Variants in LRCH3 observed in about 807,000 individuals in gnomAD.
The protein encoded by LRCH3 is DISP complex protein LRCH3.
LRCH3 carries 68 observed loss-of-function variants against 104.5 expected under a neutral mutation model. The observed-to-expected ratio is 0.65, with a 90% CI of 0.54 to 0.80. The LOEUF (loss-of-function observed/expected upper bound fraction) is 0.80, where lower values mean the gene tolerates loss of function less well. LRCH3 is among the 30% of genes least tolerant of loss of function. The pLI is 0.00. For missense variants in LRCH3, 951 were observed against 953.9 expected (o/e 1.00, Z 0.04); for synonymous variants, 344 against 361.3 (o/e 0.95, Z 0.54).
At chr3:197,876,941 G>A (rs112737733) in intron 20 of LRCH3, among the ~76,000 whole-genome samples, 4 of 31,844 alleles carry the variant, frequency 1.3e-4, no homozygotes, top group African/African-American at 4.6e-4. Context: ...CCAACTCACC[G>A]CACCCATGGC....
chr3:197,847,295 T>G, intron 10 of LRCH3, 114 bp from the exon 11 acceptor site: 1 of 932,454 alleles, frequency 1.1e-6, no homozygotes, highest in Non-Finnish European at 1.6e-6. Flanking sequence ...CTAGGCAGTT[T>G]GCTACTGATT....
At chr3:197,815,464 A>G (rs1238667241) in intron 2 of LRCH3, among the ~76,000 whole-genome samples, 1 of 152,226 alleles carries the variant, frequency 6.6e-6, no homozygotes, top group Non-Finnish European at 1.5e-5. Flanking sequence ...TAGATAGTGT[A>G]GTAAAGTGTG....
At chr3:197,852,535 T>G (rs764683933) in intron 12 of LRCH3, 26 bp from the exon 13 acceptor site, 13 of 1,612,594 alleles carry the variant, frequency 8.1e-6, no homozygotes, top group Non-Finnish European at 8.5e-6. Flanking sequence ...CAACTTCCTT[T>G]TTTGGGGGGT....
intron 2 of LRCH3, 40 bp from the exon 3 acceptor site, chr3:197,817,136 G>T: frequency 6.4e-7 from 1 of 1,555,076 alleles, no homozygotes; most frequent in South Asian, 1.2e-5. Flanking sequence ...TTCTTCAGTG[G>T]TGGACTCTGA....
At chr3:197,808,002 T>C (rs970806498) in intron 1 of LRCH3, among the ~76,000 whole-genome samples, 6 of 152,248 alleles carry the variant, frequency 3.9e-5, no homozygotes, top group African/African-American at 1.2e-4. Flanking sequence ...AAGTCTTTTA[T>C]ATTTACCCAT....
At chr3:197,802,589 A>G (rs1394705713) in intron 1 of LRCH3, among the ~76,000 whole-genome samples, 1 of 152,006 alleles carries the variant, frequency 6.6e-6, no homozygotes, top group Non-Finnish European at 1.5e-5. Flanking sequence ...GATTGTTATT[A>G]GTTCTTCATA....
chr3:197,819,174 A>G (rs1734195040), intron 3 of LRCH3, among the ~76,000 whole-genome samples: 1 of 151,716 alleles, frequency 6.6e-6, no homozygotes, highest in South Asian at 2.1e-4. Context: ...AAAGCTCTCC[A>G]TTCCCATCTG....
At chr3:197,792,455 A>G (rs987055916) in intron 1 of LRCH3, among the ~76,000 whole-genome samples, 1 of 148,862 alleles carries the variant, frequency 6.7e-6, no homozygotes, top group Non-Finnish European at 1.5e-5. Flanking sequence ...GTTCATCATC[A>G]TGTTTGCAGT....
In LRCH3 at chr3:197,854,639, C is replaced by T. The variant is rs1485361215; in HGVS notation, c.1644+194C>T. Among the ~76,000 whole-genome samples the T allele has an allele frequency of 6.6e-6, 1 of 152,178 alleles. No individual in the cohort carries two copies. The highest frequency in any genetic ancestry group is 1.5e-5 in the Non-Finnish European group (1 of 68,026). On this transcript the variant is annotated intron_variant, in intron 14 of 20. Coordinates refer to ENST00000425562, the MANE Select transcript of LRCH3 (RefSeq NM_001365715.1). This position sits in a 1 kb window ranked among gnomAD's most constrained non-coding sequence, Gnocchi z 4.5. Reference sequence around the variant, plus strand: ...AAAGTTCTGCAGCTCATATCTTTGTCAGTGCCACCGAAAGGAAAACATTTG... The same window carrying T: ...AAAGTTCTGCAGCTCATATCTTTGTTAGTGCCACCGAAAGGAAAACATTTG...
At position 197,820,511 on chromosome 3, in the gene LRCH3, G is replaced by A. The variant is rs894333555; in HGVS notation, c.640+81G>A. The A allele has an allele frequency of 1.0e-5, 10 of 963,290 alleles. No homozygotes were observed. The African/African-American group carries it at 1.2e-4, about 11-fold the overall frequency. 59.7% of individuals were successfully genotyped at this position (963,290 alleles called of 1,614,324 possible). A position where few individuals can be genotyped will look rare whatever the true frequency, so the allele number is the denominator to read the frequency against. On this transcript the variant is annotated intron_variant, in intron 4 of 20. Transcript: ENST00000425562. ...CTCTCAGACCAATCAAGACAAAAATGTATAAGGGTTACATCTAGGCTGGGC... is the reference window on the plus strand; with the variant it reads ...CTCTCAGACCAATCAAGACAAAAATATATAAGGGTTACATCTAGGCTGGGC...
At chr3:197,817,358 G>GTATATATATATATATATATATA (rs1165662167) in intron 3 of LRCH3, 56 bp downstream of exon 3, 1 of 119,690 alleles carries the variant, frequency 8.4e-6, no homozygotes, top group African/African-American at 2.3e-4. Flanking sequence ...GTGTGTGTGT[G>GTATATATATATATATATATATA]TGTATATATA....
Position 197,791,498 on chromosome 3 carries a change from C to T in LRCH3, c.220C>T (p.Arg74Trp), listed in dbSNP as rs758635307. 1.3e-6 allele frequency: 2 copies of T among 1,599,248 alleles called. No individual in the cohort carries two copies. The highest frequency in any genetic ancestry group is 2.2e-5 in the South Asian group (2 of 89,266). ...LSGRKLREFP[R>W]GAANHDLTDT... The stretch of plus-strand genomic sequence containing the variant: ...CGGCCGGAAACTGAGGGAGTTTCCC[C>T]GGGGAGCGGCCAACCACGACCTGAC... Residue 74 changes from arginine (R) to tryptophan (W), a missense_variant, in exon 1 of 21, where the codon CGG becomes TGG. Physicochemically the swap from Arg to Trp is moderately radical, Grantham distance 101. Coordinates refer to ENST00000425562, the MANE Select transcript of LRCH3 (RefSeq NM_001365715.1).
At chr3:197,796,362 T>TA (rs1196638039) in intron 1 of LRCH3, among the ~76,000 whole-genome samples, 1 of 152,158 alleles carries the variant, frequency 6.6e-6, no homozygotes, top group Non-Finnish European at 1.5e-5. Context: ...AATGAGGCCT[T>TA]ACGAATATTT....
chr3:197,881,117 G>C, intron 20 of LRCH3: 1 of 1,042,950 alleles, frequency 9.6e-7, no homozygotes, highest in Non-Finnish European at 1.2e-6. Context: ...CACAAGTGTT[G>C]AATTGTGGAG....
chr3:197,835,544 C>A, intron 8 of LRCH3, 130 bp from the exon 9 acceptor site: 156 of 775,822 alleles, frequency 2.0e-4, no homozygotes, highest in Non-Finnish European at 2.4e-4. Flanking sequence ...AAGTTTTTAT[C>A]ATCCCTCCCA....
intron 12 of LRCH3, among the ~76,000 whole-genome samples, chr3:197,851,840 G>C (rs1739643553): frequency 6.6e-6 from 1 of 152,178 alleles, no homozygotes; most frequent in African/African-American, 2.4e-5. Flanking sequence ...CCCAAAGCAA[G>C]GTTTGGAGGC....
At chr3:197,865,519 T>C (rs755533415) in intron 16 of LRCH3, 48 bp downstream of exon 16, 31 of 1,168,514 alleles carry the variant, frequency 2.7e-5, no homozygotes, top group Non-Finnish European at 3.6e-5. Context: ...TATAATTCTT[T>C]ATTTTTTTAT....
At chr3:197,802,069 G>A (rs1012724503) in intron 1 of LRCH3, among the ~76,000 whole-genome samples, 1 of 152,098 alleles carries the variant, frequency 6.6e-6, no homozygotes, top group Non-Finnish European at 1.5e-5. Flanking sequence ...AACACTTCTC[G>A]TGCTTCCAGT....
chr3:197,846,145 G>A (rs1396477693), intron 10 of LRCH3, among the ~76,000 whole-genome samples: 3 of 152,058 alleles, frequency 2.0e-5, no homozygotes, highest in South Asian at 2.1e-4. Context: ...GCCCACACCC[G>A]TAATCCCAGC....
Sources: allele counts gnomAD v4.1 joint callset (sites outside exome capture counted in the v4.1 genomes callset), GRCh38; gene constraint gnomAD v4.1.1; non-coding constraint Gnocchi (gnomAD v3.1); transcripts MANE v1.5; gene names NCBI Gene and HGNC (gene_info 2026-07-23, HGNC 2026-07-21).